Variants in C2orf81 observed in about 807,000 individuals in gnomAD.
The protein encoded by C2orf81 is uncharacterized protein C2orf81.
Under a neutral mutation model 7.9 loss-of-function variants are expected in C2orf81, and 5 were observed. The ratio of observed to expected loss-of-function variants is 0.63; its 90% confidence interval spans 0.33 to 1.33. The LOEUF (loss-of-function observed/expected upper bound fraction) is 1.33, where lower values mean the gene tolerates loss of function less well. Among genes scored for constraint, C2orf81 ranks in the 40% most tolerant of loss-of-function variants. The probability of loss-of-function intolerance (pLI) is 0.05; values close to 1 mark genes in which losing one functional copy is unlikely to be tolerated. For missense variants in C2orf81, 781 were observed against 830.4 expected, an observed-to-expected ratio of 0.94 and a Z score of 0.73; for synonymous variants, 346 against 367.4, an observed-to-expected ratio of 0.94 and a Z score of 0.66.
Position 74,414,926 on chromosome 2 carries a change from C to A in C2orf81, c.1251G>T (p.Arg417=). The A allele has an allele frequency of 6.5e-7, 1 of 1,545,200 alleles. No homozygotes were observed. The highest frequency in any genetic ancestry group is 8.7e-7 in the Non-Finnish European group (1 of 1,143,572). The part of the protein sequence containing the change: ...GRQRGEKTKA[R]AEPQALGPGT... ...CGGGGCCGAGGGCTTGGGGTTCGGC[C>A]CGGGCCTTGGTCTTCTCGCCCCGCT... Residue 417 remains arginine, a synonymous_variant, in exon 3 of 3, where the codon CGG becomes CGT. Coordinates refer to ENST00000684111, the MANE Select transcript of C2orf81 (RefSeq NM_001316764.3). This position sits in a 1 kb window ranked among gnomAD's most constrained non-coding sequence, Gnocchi z 5.3.
At chr2:74,416,583 A>AG (rs1457198460) in intron 1 of C2orf81, 8 of 158,416 alleles carry the variant, frequency 5.0e-5, no homozygotes, top group Admixed American at 1.3e-4. Context: ...AAAAAAAAAA[A>AG]AAAAAAGAAA....
Position 74,414,723 on chromosome 2 carries a change from A to C in C2orf81, c.1454T>G (p.Val485Gly), listed in dbSNP as rs1676391219. The C allele has an allele frequency of 1.3e-5, 20 of 1,547,638 alleles. No individual in the cohort carries two copies. Among genetic ancestry groups the C allele is most frequent in the Non-Finnish European group, 1.7e-5 (19 of 1,144,498 alleles). Residue 485 changes from valine (V) to glycine (G), a missense_variant, in exon 3 of 3, where the codon GTG becomes GGG. Physicochemically the swap from Val to Gly is moderately radical, Grantham distance 109. Coordinates refer to ENST00000684111, the MANE Select transcript of C2orf81 (RefSeq NM_001316764.3). The surrounding 1 kb of genome is among the most constrained non-coding windows in gnomAD (Gnocchi z 5.3). Reference sequence around the variant, plus strand: ...GCGGCTGCGGGCCACATCAGGGAGCACCGGGTGTGTGGTGAGGAAGCGGAT... The same window carrying C: ...GCGGCTGCGGGCCACATCAGGGAGCCCCGGGTGTGTGGTGAGGAAGCGGAT... ...SRIRFLTTHP[V>G]LPDVARSRSP...
At position 74,415,538 on chromosome 2, in the gene C2orf81, C is replaced by CT; in HGVS notation, c.638dup (p.Pro214AlafsTer35). On this transcript the variant is annotated frameshift_variant, in exon 3 of 3. Transcript: ENST00000684111. LOFTEE classifies it low-confidence loss of function (END_TRUNC). The surrounding 1 kb of genome is among the most constrained non-coding windows in gnomAD (Gnocchi z 5.5). ...ACGTGACTCTCAGCTGCGGAGAAGG[C>CT]TCCCAAGATTCCATCTGCTCCTGGG... The CT allele has an allele frequency of 6.5e-7, 1 of 1,548,798 alleles. No individual in the cohort carries two copies. The highest frequency in any genetic ancestry group is 1.4e-5 in the African/African-American group (1 of 73,120).
chr2:74,416,127 C>T lies in C2orf81; in HGVS notation c.133G>A (p.Ala45Thr), dbSNP rs1367471614. ...VDIVPGRLSE[A>T]EWMALTALEE... is the part of the protein sequence containing the mutation. ...AGGGCTGTAAGCGCCATCCACTCGG[C>T]CTCACTGAGCCGCCCAGGCACAATA... Residue 45 changes from alanine (A) to threonine (T), a missense_variant, in exon 2 of 3, where the codon GCC becomes ACC. Ala to Thr is a moderately conservative substitution (Grantham distance 58, BLOSUM62 0). Transcript: ENST00000684111. 2.6e-6 allele frequency: 4 copies of T among 1,527,460 alleles called. No individual in the cohort carries two copies. The South Asian group carries it at 4.8e-5, about 18-fold the overall frequency. The allele number at this position is 1,527,460 out of a possible 1,614,324, so 94.6% of individuals were successfully genotyped here.
Position 74,414,761 on chromosome 2 carries a change from G to T in C2orf81, c.1416C>A (p.Leu472=). The T allele has an allele frequency of 1.3e-6, 2 of 1,551,292 alleles. No homozygotes were observed. The highest frequency in any genetic ancestry group is 1.7e-6 in the Non-Finnish European group (2 of 1,146,726). The change falls in exon 3 of 3, where the codon CTC becomes CTA. Residue 472 remains leucine, a synonymous_variant. Transcript: ENST00000684111. The surrounding 1 kb of genome is among the most constrained non-coding windows in gnomAD (Gnocchi z 5.3). The part of the protein sequence containing the change: ...SSPSLESKLP[L]PNSRIRFLTT... ...TGAGGAAGCGGATCCTGGAGTTTGG[G>T]AGTGGCAGCTTTGACTCGAGGGATG...
rs1013174582 is a variant in C2orf81 at position 74,416,183 on chromosome 2, C to T, written c.77G>A (p.Arg26Gln). 3.4e-5 allele frequency: 50 copies of T among 1,459,612 alleles called. No individual in the cohort carries two copies. The highest frequency in any genetic ancestry group is 4.3e-5 in the Non-Finnish European group (47 of 1,090,228). 90.4% of individuals were successfully genotyped at this position (1,459,612 alleles called of 1,614,324 possible). Residue 26 changes from arginine to glutamine, a missense_variant, in exon 2 of 3, where the codon CGG becomes CAG. Transcript: ENST00000684111. Reference protein sequence around the residue: ...GVTRSKAEKVRPPTVPVPQVD... With the variant: ...GVTRSKAEKVQPPTVPVPQVD... ...CTGCGGCACTGGCACAGTGGGCGGC[C>T]GCACTTTTTCCGCCTTGGACCGGGT... is the stretch of plus-strand genomic sequence containing the variant.
chr2:74,417,502 T>C (rs549100941), intron 1 of C2orf81: 63 of 1,236,366 alleles, frequency 5.1e-5, no homozygotes, highest in South Asian at 5.0e-4. Context: ...CCCGCTTTCC[T>C]GTAGCCAATG....
At chr2:74,420,144 C>A (rs1308897362) in intron 1 of C2orf81, among the ~76,000 whole-genome samples, 1 of 152,172 alleles carries the variant, frequency 6.6e-6, no homozygotes, top group Non-Finnish European at 1.5e-5. Flanking sequence ...ACTTACACAT[C>A]AATTATGATC....
intron 1 of C2orf81, among the ~76,000 whole-genome samples, chr2:74,416,851 T>C (rs1676483346): frequency 6.6e-6 from 1 of 151,996 alleles, no homozygotes; most frequent in South Asian, 2.1e-4. Flanking sequence ...TTAATTCAAG[T>C]AATTGCAAAT....
At chr2:74,420,205 T>A (rs1676564031) in intron 1 of C2orf81, among the ~76,000 whole-genome samples, 1 of 152,100 alleles carries the variant, frequency 6.6e-6, no homozygotes, top group Admixed American at 6.5e-5. Context: ...TTCAAAATGA[T>A]AACAGAGGAT....
At position 74,415,591 on chromosome 2, in the gene C2orf81, A is replaced by G; in HGVS notation, c.586T>C (p.Leu196=). The G allele has an allele frequency of 6.4e-7, 1 of 1,551,238 alleles. No homozygotes were observed. The highest frequency in any genetic ancestry group is 8.7e-7 in the Non-Finnish European group (1 of 1,146,984). The change falls in exon 3 of 3, where the codon TTA becomes CTA. Residue 196 remains leucine (L), a synonymous_variant. Coordinates refer to ENST00000684111, the MANE Select transcript of C2orf81 (RefSeq NM_001316764.3). This position sits in a 1 kb window ranked among gnomAD's most constrained non-coding sequence, Gnocchi z 5.5. ...CCTCGACCCATCCACGACCTTCCTA[A>G]AGGGATCCGGTCCACGCCCCCAGGG... ...QDPGGVDRIP[L]GRSWMGRGSQ... is the part of the protein sequence containing the mutation.
At position 74,414,632 on chromosome 2, in the gene C2orf81, G is replaced by T; in HGVS notation, c.1545C>A (p.Gly515=). The T allele has an allele frequency of 3.9e-6, 6 of 1,550,028 alleles. No individual in the cohort carries two copies. The highest frequency in any genetic ancestry group is 1.2e-5 in the South Asian group (1 of 83,872). The change falls in exon 3 of 3, where the codon GGC becomes GGA. Residue 515 remains glycine, a synonymous_variant. Coordinates refer to ENST00000684111, the MANE Select transcript of C2orf81 (RefSeq NM_001316764.3). The surrounding 1 kb of genome is among the most constrained non-coding windows in gnomAD (Gnocchi z 5.3). ...CGCGGGTCCGGCCAGCCCACAGCTCGCCCAGCAGCTCGGCCTTCCCCTCCC... is the reference window on the plus strand; with the variant it reads ...CGCGGGTCCGGCCAGCCCACAGCTCTCCCAGCAGCTCGGCCTTCCCCTCCC... ...SGWEGKAELL[G]ELWAGRTRVP...
rs770631188 is a variant in C2orf81, at chr2:74,418,411, G to A, written c.19-2170C>T. On this transcript the variant is annotated intron_variant, in intron 1 of 2. Coordinates refer to ENST00000684111, the MANE Select transcript of C2orf81 (RefSeq NM_001316764.3). The stretch of plus-strand genomic sequence containing the variant: ...GTCCTTTTTCTGCTTGGAGGCCAAG[G>A]GCTGGCTGGACTTCGAGCTCGACTC... The A allele has an allele frequency of 5.7e-6, 9 of 1,581,900 alleles. No individual in the cohort carries two copies. The South Asian group carries it at 6.6e-5, about 12-fold the overall frequency.
chr2:74,416,017 A>C lies in C2orf81; in HGVS notation c.243T>G (p.Thr81=), dbSNP rs1454611060. Reference sequence around the variant, plus strand: ...GACCCGGATCCCGGCCCACCTGCTGAGTCAGGTAGACTTTGAAAGCAGAGT... The same window carrying C: ...GACCCGGATCCCGGCCCACCTGCTGCGTCAGGTAGACTTTGAAAGCAGAGT... The part of the protein sequence containing the change: ...VMDSAFKVYL[T]QQCIPFTISQ... The change falls in exon 2 of 3, where the codon ACT becomes ACG. Residue 81 remains threonine, a synonymous_variant. Coordinates refer to ENST00000684111, the MANE Select transcript of C2orf81 (RefSeq NM_001316764.3). The C allele has an allele frequency of 4.5e-6, 7 of 1,550,004 alleles. No homozygotes were observed. The highest frequency in any genetic ancestry group is 2.0e-5 in the Admixed American group (1 of 50,992).
rs183833157 is a variant in C2orf81, at chr2:74,419,467, T to C, written c.18+2076A>G. Among the ~76,000 whole-genome samples the C allele has an allele frequency of 1.9e-4, 29 of 152,322 alleles. No individual in the cohort carries two copies. In the East Asian group the frequency reaches 5.6e-3, roughly 29 times the overall value. On this transcript the variant is annotated intron_variant, in intron 1 of 2. Coordinates refer to ENST00000684111, the MANE Select transcript of C2orf81 (RefSeq NM_001316764.3). ...ACATTCTGATTTCTAGTTCATCAAA[T>C]TGGAATTATTTTAAAAACAAGAATA...
chr2:74,418,700 A>ATT (rs199708145), intron 1 of C2orf81, among the ~76,000 whole-genome samples: 39 of 146,126 alleles, frequency 2.7e-4, no homozygotes, highest in South Asian at 1.9e-3. Flanking sequence ...AGTTCTCTAC[A>ATT]TTTTTTTTTT....
rs1261091344 is a variant in C2orf81 at position 74,415,646 on chromosome 2, T to C, written c.531A>G (p.Thr177=). Residue 177 remains threonine (T), a synonymous_variant, in exon 3 of 3, where the codon ACA becomes ACG. Transcript: ENST00000684111. The surrounding 1 kb of genome is among the most constrained non-coding windows in gnomAD (Gnocchi z 5.5). ...SAIAPALPFP[T]SHCPSAFPQD... is the part of the protein sequence containing the mutation. ...GGGGAAATGCACTCGGGCAGTGAGATGTCGGAAAGGGGAGAGCAGGAGCAA... is the reference window on the plus strand; with the variant it reads ...GGGGAAATGCACTCGGGCAGTGAGACGTCGGAAAGGGGAGAGCAGGAGCAA... 1.3e-6 allele frequency: 2 copies of C among 1,550,990 alleles called. No individual in the cohort carries two copies. Among genetic ancestry groups the C allele is most frequent in the East Asian group, 4.9e-5 (2 of 40,924 alleles).
rs1490573889 is a variant in C2orf81, at chr2:74,414,719, G to A, written c.1458C>T (p.Leu486=). Residue 486 remains leucine, a synonymous_variant, in exon 3 of 3, where the codon CTC becomes CTT. Coordinates refer to ENST00000684111, the MANE Select transcript of C2orf81 (RefSeq NM_001316764.3). This position sits in a 1 kb window ranked among gnomAD's most constrained non-coding sequence, Gnocchi z 5.3. The part of the protein sequence containing the change: ...RIRFLTTHPV[L]PDVARSRSPK... Reference sequence around the variant, plus strand: ...GGCTGCGGCTGCGGGCCACATCAGGGAGCACCGGGTGTGTGGTGAGGAAGC... The same window carrying A: ...GGCTGCGGCTGCGGGCCACATCAGGAAGCACCGGGTGTGTGGTGAGGAAGC... The A allele has an allele frequency of 1.3e-6, 2 of 1,546,998 alleles. No homozygotes were observed. Among genetic ancestry groups the A allele is most frequent in the Non-Finnish European group, 1.7e-6 (2 of 1,143,916 alleles).
At chr2:74,419,255 A>G (rs974404497) in intron 1 of C2orf81, among the ~76,000 whole-genome samples, 1 of 152,172 alleles carries the variant, frequency 6.6e-6, no homozygotes, top group African/African-American at 2.4e-5. Context: ...GCACACCCAC[A>G]GTACCAGCTG....
Sources: allele counts gnomAD v4.1 joint callset (sites outside exome capture counted in the v4.1 genomes callset), GRCh38; gene constraint gnomAD v4.1.1; non-coding constraint Gnocchi (gnomAD v3.1); transcripts MANE v1.5; gene names NCBI Gene and HGNC (gene_info 2026-07-23, HGNC 2026-07-21).